The following PTPRK variants were observed in gnomAD, a reference collection of about 807,000 sequenced individuals.
PTPRK encodes the protein protein tyrosine phosphatase receptor type K.
A neutral mutation model predicts 178.0 loss-of-function variants in PTPRK; 75 were observed. The ratio of observed to expected loss-of-function variants is 0.42; its 90% CI spans 0.35 to 0.51. The LOEUF is 0.51. Among genes scored for constraint, PTPRK ranks in the 20% least tolerant of loss-of-function variants. The probability of loss-of-function intolerance (pLI) is 0.02; values close to 1 mark genes in which losing one functional copy is unlikely to be tolerated. For missense variants in PTPRK, 1,441 were observed against 1,797.8 expected (o/e 0.80, Z 3.59); for synonymous variants, 637 against 620.6 (o/e 1.03, Z -0.39).
intron 7 of PTPRK, among the ~76,000 whole-genome samples, chr6:128,180,185 T>C (rs1208886700): frequency 6.6e-6 from 1 of 152,000 alleles, no homozygotes; most frequent in Non-Finnish European, 1.5e-5. Context: ...TGCCAAAGCA[T>C]GCAACACAGA....
intron 2 of PTPRK, among the ~76,000 whole-genome samples, chr6:128,365,992 G>C (rs1034946425): frequency 1.4e-4 from 22 of 152,126 alleles, no homozygotes; most frequent in African/African-American, 5.3e-4. Flanking sequence ...AACTGAGCCA[G>C]ATTTCCTCTA....
At chr6:128,070,553 T>C (rs971423743) in intron 11 of PTPRK, among the ~76,000 whole-genome samples, 2 of 151,962 alleles carry the variant, frequency 1.3e-5, no homozygotes, top group African/African-American at 4.8e-5. Flanking sequence ...ACAAAAAGAC[T>C]TCTGAGAACT....
At chr6:128,060,884 G>C (rs897540174) in intron 13 of PTPRK, among the ~76,000 whole-genome samples, 5 of 152,102 alleles carry the variant, frequency 3.3e-5, no homozygotes, top group African/African-American at 1.2e-4. Context: ...TAATAAATTT[G>C]TCTTAACTCA....
At chr6:128,429,018 AT>A (rs1431037055) in intron 1 of PTPRK, among the ~76,000 whole-genome samples, 8 of 152,290 alleles carry the variant, frequency 5.3e-5, no homozygotes, top group Non-Finnish European at 8.8e-5. Flanking sequence ...TACTTAGAAT[AT>A]TTTTTCATTT....
chr6:128,453,339 C>T (rs1848011285), intron 1 of PTPRK, among the ~76,000 whole-genome samples: 1 of 152,178 alleles, frequency 6.6e-6, no homozygotes, highest in Non-Finnish European at 1.5e-5. Context: ...CACCCCTTAG[C>T]TCCAGCCCAA....
At chr6:128,463,359 C>T (rs1266156395) in intron 1 of PTPRK, among the ~76,000 whole-genome samples, 1 of 152,104 alleles carries the variant, frequency 6.6e-6, no homozygotes, top group African/African-American at 2.4e-5. Context: ...CACCTGGCAG[C>T]CTCCAATGTG....
intron 1 of PTPRK, among the ~76,000 whole-genome samples, chr6:128,511,068 A>T (rs1380386938): frequency 2.6e-5 from 4 of 152,186 alleles, no homozygotes; most frequent in Admixed American, 2.6e-4. Flanking sequence ...TACTGAGACA[A>T]GGAAAATAAA....
At chr6:128,314,989 G>C (rs1827801894) in intron 3 of PTPRK, among the ~76,000 whole-genome samples, 1 of 131,470 alleles carries the variant, frequency 7.6e-6, no homozygotes, top group South Asian at 2.9e-4. Context: ...CATAGAAAGA[G>C]GGGGTTAAAT....
chr6:128,352,566 T>C (rs1833339308), intron 2 of PTPRK, among the ~76,000 whole-genome samples: 1 of 152,154 alleles, frequency 6.6e-6, no homozygotes, highest in Admixed American at 6.5e-5. Context: ...GCTGCAGCCA[T>C]ACTGAACTTT....
intron 13 of PTPRK, chr6:128,063,558 C>T (rs1781232426): frequency 2.0e-5 from 3 of 152,056 alleles, no homozygotes; most frequent in Non-Finnish European, 4.4e-5. Flanking sequence ...GACCTAAATG[C>T]TTTCTTCTAT....
chr6:128,445,330 T>G (rs934420123), intron 1 of PTPRK, among the ~76,000 whole-genome samples: 5 of 143,878 alleles, frequency 3.5e-5, no homozygotes, highest in African/African-American at 1.2e-4. Context: ...ATTCTCATCC[T>G]TTCTTTTATA....
At chr6:128,222,412 C>T (rs995755259) in intron 5 of PTPRK, among the ~76,000 whole-genome samples, 2 of 152,130 alleles carry the variant, frequency 1.3e-5, no homozygotes, top group African/African-American at 2.4e-5. Flanking sequence ...TTTTGGAATT[C>T]GCAGGGTGCC....
At chr6:128,351,011 G>A (rs557562537) in intron 2 of PTPRK, among the ~76,000 whole-genome samples, 21 of 152,308 alleles carry the variant, frequency 1.4e-4, no homozygotes, top group Non-Finnish European at 2.6e-4. Context: ...AGGTGCTGAT[G>A]AATCATAAAA....
chr6:128,038,191 C>A (rs956155873), intron 13 of PTPRK, among the ~76,000 whole-genome samples: 4 of 152,024 alleles, frequency 2.6e-5, no homozygotes, highest in Non-Finnish European at 5.9e-5. Context: ...GGAAGAGATG[C>A]AGCAATTTTT....
chr6:128,017,831 T>TATATATATATATATATAG (rs1321916988), intron 13 of PTPRK, among the ~76,000 whole-genome samples: 1 of 137,900 alleles, frequency 7.3e-6, no homozygotes, highest in East Asian at 2.1e-4. Context: ...TATATATATA[T>TATATATATATATATATAG]ATTTGGCAGA....
At chr6:128,507,700 A>G (rs915082134) in intron 1 of PTPRK, among the ~76,000 whole-genome samples, 1 of 152,152 alleles carries the variant, frequency 6.6e-6, no homozygotes, top group Admixed American at 6.5e-5. Context: ...GGTCAGAGCA[A>G]ACAGGATTCT....
chr6:128,193,365 A>T (rs1007170833), intron 6 of PTPRK, among the ~76,000 whole-genome samples: 2 of 151,914 alleles, frequency 1.3e-5, no homozygotes, highest in South Asian at 4.1e-4. Context: ...CATCAATTAA[A>T]ATGTTTTAAG....
chr6:128,327,915 G>A (rs576401528), intron 2 of PTPRK, among the ~76,000 whole-genome samples: 2 of 152,158 alleles, frequency 1.3e-5, no homozygotes, highest in South Asian at 4.1e-4. Flanking sequence ...AGTCTGCTGG[G>A]TCACTCAGGC....
chr6:128,326,527 GAAT>G (rs1829591813), intron 2 of PTPRK, among the ~76,000 whole-genome samples: 2 of 151,914 alleles, frequency 1.3e-5, no homozygotes, highest in East Asian at 3.8e-4. Flanking sequence ...CAGTCATTAA[GAAT>G]AATATTATTT....
Sources: gnomAD v4.1 joint callset for allele counts (sites outside exome capture counted in the v4.1 genomes callset) on GRCh38, gnomAD v4.1.1 for gene constraint, MANE v1.5 for transcripts, NCBI Gene and HGNC (gene_info 2026-07-23, HGNC 2026-07-21) for gene names.